The following HDAC9 variants were observed in gnomAD, a reference collection of about 807,000 sequenced individuals.
HDAC9 encodes histone deacetylase 9, also known as MEF-2 interacting transcription repressor (MITR) protein.
HDAC9 carries 41 observed loss-of-function variants against 139.4 expected under a neutral mutation model. The observed-to-expected ratio is 0.29, with a 90% CI of 0.23 to 0.38. The LOEUF is 0.38. Among genes scored for constraint, HDAC9 ranks in the 10% least tolerant of loss-of-function variants. The pLI is 1.00. For missense variants in HDAC9, 1,147 were observed against 1,297.0 expected (o/e 0.88, Z 1.78); for synonymous variants, 517 against 476.2 (o/e 1.09, Z -1.12).
intron 12 of HDAC9, chr7:18,668,698 T>C: frequency 1.0e-6 from 1 of 972,778 alleles, no homozygotes; most frequent in Admixed American, 6.2e-5. Flanking sequence ...GATAAATGTC[T>C]CTTTTAAAAT....
intron 17 of HDAC9, among the ~76,000 whole-genome samples, chr7:18,805,498 T>G (rs894221571): frequency 6.6e-6 from 1 of 152,102 alleles, no homozygotes; most frequent in African/African-American, 2.4e-5. Flanking sequence ...AAACTGTTGG[T>G]GGGGCAAGGA....
chr7:18,187,284 C>G (rs1198567318), intron 2 of HDAC9, among the ~76,000 whole-genome samples: 1 of 152,144 alleles, frequency 6.6e-6, no homozygotes, highest in East Asian at 1.9e-4. Context: ...ACTGGCATTA[C>G]TTATAAATGA....
chr7:18,554,001 G>T (rs1468305085), intron 2 of HDAC9, among the ~76,000 whole-genome samples: 4 of 152,166 alleles, frequency 2.6e-5, no homozygotes, highest in African/African-American at 9.7e-5. Flanking sequence ...GTATGGAAAT[G>T]TTCCACACAT....
At chr7:18,645,585 A>C (rs965944315) in intron 9 of HDAC9, among the ~76,000 whole-genome samples, 1 of 152,178 alleles carries the variant, frequency 6.6e-6, no homozygotes, top group African/African-American at 2.4e-5. Context: ...TTGTCATACT[A>C]GCAGAAGATG....
At chr7:18,491,676 T>G (rs1258042610), upstream of HDAC9, among the ~76,000 whole-genome samples, 15 of 152,036 alleles carry the variant, frequency 9.9e-5, no homozygotes, top group Admixed American at 9.8e-4. Context: ...ACTGCTTATA[T>G]GCAAAGTCAA....
At chr7:18,129,189 G>T (rs906933802) in intron 1 of HDAC9, among the ~76,000 whole-genome samples, 2 of 152,078 alleles carry the variant, frequency 1.3e-5, no homozygotes, top group African/African-American at 4.8e-5. Flanking sequence ...TCTAAAATGT[G>T]AGTATAATCC....
Position 18,998,932 on chromosome 7 carries a change from G to A in HDAC9, c.*2870G>A, listed in dbSNP as rs1040016592. The A allele has an allele frequency of 1.3e-5, 2 of 151,852 alleles. No homozygotes were observed. The highest frequency in any genetic ancestry group is 4.8e-5 in the African/African-American group (2 of 41,282). The allele number at this position is 151,852 out of a possible 1,614,324, so 9.4% of individuals were successfully genotyped here. On this transcript the variant is annotated 3_prime_UTR_variant, in exon 26 of 26. Coordinates refer to ENST00000686413, the MANE Select transcript of HDAC9 (RefSeq NM_178425.4). ...TAATTTTCCCAATTGTATAATTTGG[G>A]GCTGTATATTAAACTAAAAAACACA...
intron 14 of HDAC9, 115 bp downstream of exon 14, chr7:18,749,253 T>A (rs1788241649): frequency 7.5e-6 from 8 of 1,072,534 alleles, no homozygotes; most frequent in South Asian, 1.6e-5. Context: ...ACACCATGAT[T>A]GATGAACCAT....
chr7:18,932,931 C>T (rs1357361830), intron 22 of HDAC9, among the ~76,000 whole-genome samples: 1 of 151,722 alleles, frequency 6.6e-6, no homozygotes, highest in East Asian at 1.9e-4. Context: ...TTTTAAGGTC[C>T]ATATTTATAA....
chr7:18,910,118 G>A (rs1253661486), intron 22 of HDAC9, among the ~76,000 whole-genome samples: 3 of 151,880 alleles, frequency 2.0e-5, no homozygotes, highest in African/African-American at 4.8e-5. Flanking sequence ...TAACTTGATA[G>A]GGATTGCATT....
At chr7:18,745,779 C>G (rs1478401202) in intron 13 of HDAC9, among the ~76,000 whole-genome samples, 1 of 151,650 alleles carries the variant, frequency 6.6e-6, no homozygotes, top group African/African-American at 2.4e-5. Flanking sequence ...ATCTGCTGAC[C>G]TCATGATCCA....
intron 1 of HDAC9, among the ~76,000 whole-genome samples, chr7:18,386,884 C>T (rs1340325758): frequency 6.6e-6 from 1 of 152,208 alleles, no homozygotes; most frequent in African/African-American, 2.4e-5. Context: ...AATTCATTCT[C>T]TGCTTTTGAC....
chr7:18,452,274 C>T (rs1229833820), intron 1 of HDAC9, among the ~76,000 whole-genome samples: 4 of 151,982 alleles, frequency 2.6e-5, no homozygotes, highest in Admixed American at 2.6e-4. Context: ...AGAATGTGGC[C>T]CAAGGATAAC....
At chr7:18,196,174 C>G (rs1432406501) in intron 2 of HDAC9, among the ~76,000 whole-genome samples, 1 of 152,106 alleles carries the variant, frequency 6.6e-6, no homozygotes, top group Non-Finnish European at 1.5e-5. Context: ...AGATTCAAAG[C>G]TTTTCAGCCC....
chr7:18,176,424 A>G (rs995914582), intron 2 of HDAC9, among the ~76,000 whole-genome samples: 4 of 152,146 alleles, frequency 2.6e-5, no homozygotes, highest in African/African-American at 4.8e-5. Context: ...AATTCCAAAT[A>G]TTTGCTTGGT....
chr7:18,118,608 C>T (rs1222034344), intron 1 of HDAC9, among the ~76,000 whole-genome samples: 2 of 152,140 alleles, frequency 1.3e-5, no homozygotes. Context: ...TTGACATTCA[C>T]CATGTGCTAG....
intron 2 of HDAC9, among the ~76,000 whole-genome samples, chr7:18,553,265 A>G (rs1287323465): frequency 6.6e-6 from 1 of 152,084 alleles, no homozygotes; most frequent in Non-Finnish European, 1.5e-5. Flanking sequence ...CTTTTAACTC[A>G]GAACTGTGTT....
At chr7:18,522,595 A>C (rs1220668477) in intron 2 of HDAC9, among the ~76,000 whole-genome samples, 1 of 151,062 alleles carries the variant, frequency 6.6e-6, no homozygotes, top group Non-Finnish European at 1.5e-5. Flanking sequence ...TGGTTTTTTT[A>C]AAAAAAACAA....
Position 18,935,925 on chromosome 7 carries a change from G to T in HDAC9, c.2920G>T (p.Ala974Ser). Residue 974 changes from alanine (A) to serine (S), a missense_variant, in exon 23 of 26, where the codon GCC (alanine) becomes TCC (serine). By Grantham distance (99) the Ala-to-Ser change is moderately conservative. Around this residue, in one of 7 missense-constraint regions of HDAC9, gnomAD observed 407 missense variants for 521.5 expected, o/e 0.78. Transcript: ENST00000686413. ...ICDASEACVN[A>S]LLGNELEPLA... ...TGATGCATCAGAAGCCTGTGTAAAT[G>T]CCCTTCTAGGAAATGAGGTAAAAAA... The T allele has an allele frequency of 6.2e-7, 1 of 1,613,094 alleles. No individual in the cohort carries two copies. Among genetic ancestry groups the T allele is most frequent in the African/African-American group, 1.3e-5 (1 of 75,000 alleles).
Sources: gnomAD v4.1 joint callset for allele counts (sites outside exome capture counted in the v4.1 genomes callset) on GRCh38, gnomAD v4.1.1 for gene constraint, gnomAD v4.1.1 regional missense constraint, MANE v1.5 for transcripts, NCBI Gene and HGNC (gene_info 2026-07-23, HGNC 2026-07-21) for gene names.